The following SHROOM3 variants were observed in gnomAD, a reference collection of about 807,000 sequenced individuals.
SHROOM3 encodes the protein shroom family member 3, also known as protein Shroom3.
Under a neutral mutation model 138.6 loss-of-function variants are expected in SHROOM3, and 47 were observed. That is an observed-to-expected ratio of 0.34 (90% confidence interval 0.27 to 0.43). SHROOM3 has a LOEUF of 0.43. Ranked by LOEUF, SHROOM3 falls within the 20% of genes least tolerant of loss-of-function variation. The pLI is 1.00. For missense variants in SHROOM3, 2,491 were observed against 2,596.5 expected, an observed-to-expected ratio of 0.96 and a Z score of 0.88; for synonymous variants, 1,062 against 1,063.3, an observed-to-expected ratio of 1.00 and a Z score of 0.02.
rs563615426 is a variant in SHROOM3 at position 76,740,225 on chromosome 4, C to T, written c.2052C>T (p.Thr684=). The T allele has an allele frequency of 3.1e-6, 5 of 1,613,412 alleles. No individual in the cohort carries two copies. Among genetic ancestry groups the T allele is most frequent in the East Asian group, 4.5e-5 (2 of 44,872 alleles). ...GCAGCCTGGAGCTAGGCCGGGGAAC[C>T]CAGGAGGGTTACCCCGGGGGCAGGC... ...RHSSLELGRG[T]QEGYPGGRPT... Residue 684 remains threonine (T), a synonymous_variant, in exon 5 of 11, where the codon ACC becomes ACT. Coordinates refer to ENST00000296043, the MANE Select transcript of SHROOM3 (RefSeq NM_020859.4). The surrounding 1 kb of genome is among the most constrained non-coding windows in gnomAD (Gnocchi z 4.0).
intron 2 of SHROOM3, among the ~76,000 whole-genome samples, chr4:76,567,152 C>G (rs758646652): frequency 1.7e-4 from 26 of 152,176 alleles, no homozygotes; most frequent in Non-Finnish European, 3.1e-4. Flanking sequence ...CATGTGGGGA[C>G]AGTTGCTTGG....
In SHROOM3 at chr4:76,740,907, G is replaced by A. The variant is rs1225295075; in HGVS notation, c.2734G>A (p.Glu912Lys). 6.6e-6 allele frequency: 10 copies of A among 1,503,868 alleles called. No homozygotes were observed. Among genetic ancestry groups the A allele is most frequent in the African/African-American group, 2.8e-5 (2 of 71,314 alleles). The allele number at this position is 1,503,868 out of a possible 1,614,324, so 93.2% of individuals were successfully genotyped here. ...PEWRDRPGSP[E>K]SPLLDAPFSR... is the part of the protein sequence containing the mutation. The stretch of plus-strand genomic sequence containing the variant: ...GTGGCGGGACAGGCCCGGCTCGCCC[G>A]AATCGCCCCTGCTGGATGCCCCCTT... The change falls in exon 5 of 11, where the codon GAA becomes AAA. Residue 912 changes from glutamate (E) to lysine (K), a missense_variant. Coordinates refer to ENST00000296043, the MANE Select transcript of SHROOM3 (RefSeq NM_020859.4). The surrounding 1 kb of genome is among the most constrained non-coding windows in gnomAD (Gnocchi z 4.0).
rs141657840 is a variant in SHROOM3, at chr4:76,491,523, C to G, written c.168+55303C>G. Reference sequence around the variant, plus strand: ...GTGGATACTTATTGGAAAGATTTTTCTCTCTGATAATAAAAAGTCTAGCAA... The same window carrying G: ...GTGGATACTTATTGGAAAGATTTTTGTCTCTGATAATAAAAAGTCTAGCAA... On this transcript the variant is annotated intron_variant, in intron 1 of 10. Coordinates refer to ENST00000296043, the MANE Select transcript of SHROOM3 (RefSeq NM_020859.4). 7.9e-5 allele frequency among the ~76,000 whole-genome samples: 12 copies of G among 152,310 alleles called. No individual in the cohort carries two copies. The East Asian group carries it at 2.3e-3, about 29-fold the overall frequency.
rs569770504 is a variant in SHROOM3 at position 76,761,673 on chromosome 4, A to C, written c.5349+1978A>C. 5.9e-5 allele frequency among the ~76,000 whole-genome samples: 9 copies of C among 152,292 alleles called. No individual in the cohort carries two copies. The South Asian group carries it at 1.9e-3, about 32-fold the overall frequency. On this transcript the variant is annotated intron_variant, in intron 9 of 10. Coordinates refer to ENST00000296043, the MANE Select transcript of SHROOM3 (RefSeq NM_020859.4). The stretch of plus-strand genomic sequence containing the variant: ...AGGTTCTCTGGGTATAACTAACCAG[A>C]GCTAGAGTTTGAGATTAAAACCAGT...
At chr4:76,771,617 ACCC>A (rs1277579120) in intron 10 of SHROOM3, among the ~76,000 whole-genome samples, 1 of 152,060 alleles carries the variant, frequency 6.6e-6, no homozygotes, top group Non-Finnish European at 1.5e-5. Context: ...TCTCCACTGC[ACCC>A]CCTCCTCGAA....
intron 2 of SHROOM3, among the ~76,000 whole-genome samples, chr4:76,684,334 G>C (rs1719276400): frequency 6.6e-6 from 1 of 152,128 alleles, no homozygotes; most frequent in African/African-American, 2.4e-5. Flanking sequence ...GTCTCCATAA[G>C]GACAAGAACT....
intron 3 of SHROOM3, among the ~76,000 whole-genome samples, chr4:76,719,768 A>T (rs2110122437): frequency 6.6e-6 from 1 of 152,346 alleles, no homozygotes; most frequent in African/African-American, 2.4e-5. Flanking sequence ...AATAAAATTT[A>T]ATCTTCAAAA....
chr4:76,538,849 T>C (rs766685019), intron 1 of SHROOM3, among the ~76,000 whole-genome samples: 2 of 152,194 alleles, frequency 1.3e-5, no homozygotes, highest in Non-Finnish European at 2.9e-5. Flanking sequence ...CTCCTTTCAA[T>C]GAGTTCCCCA....
At chr4:76,756,417 C>CT (rs76738924) in intron 7 of SHROOM3, 32 bp from the exon 8 acceptor site, 49,509 of 1,223,654 alleles carry the variant, frequency 0.04, 64 homozygotes, top group African/African-American at 0.045. Flanking sequence ...CTCTCTCTCT[C>CT]TTTTTTTTTT....
intron 3 of SHROOM3, chr4:76,716,513 G>A (rs538709094): frequency 2.2e-6 from 1 of 447,350 alleles, no homozygotes; most frequent in East Asian, 5.8e-5. Flanking sequence ...TGCTATATCT[G>A]TTTATAAAGA....
chr4:76,541,909 A>G (rs545789578), intron 1 of SHROOM3, among the ~76,000 whole-genome samples: 20 of 152,204 alleles, frequency 1.3e-4, no homozygotes, highest in African/African-American at 4.8e-4. Context: ...AACGGGATGG[A>G]GCAGAGGAAG....
intron 10 of SHROOM3, 77 bp from the exon 11 acceptor site, chr4:76,778,732 G>C: frequency 2.5e-6 from 4 of 1,595,358 alleles, no homozygotes; most frequent in South Asian, 2.2e-5. Flanking sequence ...AGTCCTGTCA[G>C]AGGTGTCCTT....
chr4:76,740,090 G>T lies in SHROOM3; in HGVS notation c.1917G>T (p.Trp639Cys), dbSNP rs1560608187. The T allele has an allele frequency of 9.9e-6, 16 of 1,613,660 alleles. No homozygotes were observed. The highest frequency in any genetic ancestry group is 1.4e-5 in the Non-Finnish European group (16 of 1,180,034). ...DFQEDHNANL[W>C]RRLEREGLGQ... Reference sequence around the variant, plus strand: ...AGGAAGACCACAATGCCAACCTCTGGAGGAGGCTGGAGAGAGAAGGCCTAG... The same window carrying T: ...AGGAAGACCACAATGCCAACCTCTGTAGGAGGCTGGAGAGAGAAGGCCTAG... Residue 639 changes from tryptophan to cysteine, a missense_variant, in exon 5 of 11, where the codon TGG becomes TGT. Trp to Cys is a radical substitution (Grantham distance 215). Transcript: ENST00000296043. This position sits in a 1 kb window ranked among gnomAD's most constrained non-coding sequence, Gnocchi z 4.0.
intron 1 of SHROOM3, among the ~76,000 whole-genome samples, chr4:76,529,607 G>A (rs563745478): frequency 1.3e-5 from 2 of 152,266 alleles, no homozygotes; most frequent in East Asian, 3.9e-4. Context: ...TTACAGGCAT[G>A]AGCCACCGAG....
At chr4:76,514,236 A>G (rs913296003) in intron 1 of SHROOM3, among the ~76,000 whole-genome samples, 2 of 152,250 alleles carry the variant, frequency 1.3e-5, no homozygotes, top group African/African-American at 4.8e-5. Context: ...TGATAGCCAA[A>G]AAGTGGAGAA....
intron 10 of SHROOM3, among the ~76,000 whole-genome samples, chr4:76,776,736 T>C (rs1169556242): frequency 2.0e-5 from 3 of 152,234 alleles, no homozygotes; most frequent in Non-Finnish European, 4.4e-5. Context: ...CTTTAGGTCT[T>C]AGATTTAAGT....
chr4:76,441,336 AC>A (rs1440204638), intron 1 of SHROOM3, among the ~76,000 whole-genome samples: 1 of 151,932 alleles, frequency 6.6e-6, no homozygotes, highest in African/African-American at 2.4e-5. Context: ...CTCGTGATCC[AC>A]CCACCTCGGC....
chr4:76,757,195 TATTA>T (rs1721847543), intron 8 of SHROOM3: 1 of 462,750 alleles, frequency 2.2e-6, no homozygotes, highest in Non-Finnish European at 3.9e-6. Context: ...TCAAACATTG[TATTA>T]ATTTATTTAT....
intron 1 of SHROOM3, among the ~76,000 whole-genome samples, chr4:76,540,879 A>G (rs1165787067): frequency 6.6e-6 from 1 of 152,234 alleles, no homozygotes; most frequent in Non-Finnish European, 1.5e-5. Context: ...GTTGAAAATT[A>G]TTAGCTAAAA....
Sources: gnomAD v4.1 joint callset for allele counts (sites outside exome capture counted in the v4.1 genomes callset) on GRCh38, gnomAD v4.1.1 for gene constraint, Gnocchi (gnomAD v3.1) non-coding constraint, MANE v1.5 for transcripts, NCBI Gene and HGNC (gene_info 2026-07-23, HGNC 2026-07-21) for gene names.